IFIT3: variants seen among roughly 807,000 people sequenced by gnomAD.
IFIT3 encodes interferon induced protein with tetratricopeptide repeats 3.
Under a neutral mutation model 2.4 loss-of-function variants are expected in IFIT3, and 2 were observed. The observed-to-expected ratio is 0.82, with a 90% CI of 0.34 to 2.60. IFIT3 has a LOEUF of 2.60. IFIT3 is among the 30% of genes most tolerant of loss of function. The probability of loss-of-function intolerance (pLI) is 0.11; values close to 1 mark genes in which losing one functional copy is unlikely to be tolerated. For missense variants in IFIT3, 481 were observed against 562.4 expected (o/e 0.86, Z 1.46); for synonymous variants, 203 against 212.1 (o/e 0.96, Z 0.37).
At chr10:89,338,595 T>C (rs1843785831) in intron 1 of IFIT3, 66 bp from the exon 2 acceptor site, 2 of 1,443,194 alleles carry the variant, frequency 1.4e-6, no homozygotes, top group East Asian at 4.6e-5. Flanking sequence ...ACATATAAAA[T>C]TAATGATCAC....
chr10:89,338,330 T>G (rs1288012004), intron 1 of IFIT3: 1 of 213,014 alleles, frequency 4.7e-6, no homozygotes, highest in African/African-American at 2.3e-5. Flanking sequence ...CTAGTCCAAG[T>G]CTAGTCTAAG....
intron 1 of IFIT3, among the ~76,000 whole-genome samples, chr10:89,330,325 A>T (rs1447577986): frequency 6.6e-6 from 1 of 152,240 alleles, no homozygotes; most frequent in African/African-American, 2.4e-5. Flanking sequence ...CTTGCCCAAG[A>T]CATCAGATAG....
intron 1 of IFIT3, chr10:89,332,608 A>T: frequency 6.2e-7 from 1 of 1,614,126 alleles, no homozygotes; most frequent in South Asian, 1.1e-5. Context: ...TCAGAACTGC[A>T]GGGAAACAGC....
chr10:89,336,510 T>C (rs1488513898), intron 1 of IFIT3, among the ~76,000 whole-genome samples: 2 of 152,192 alleles, frequency 1.3e-5, no homozygotes, highest in East Asian at 1.9e-4. Context: ...GGAAGTATAA[T>C]AGATCAGTAC....
rs1023400061 is a variant in IFIT3 at position 89,328,034 on chromosome 10, T to A, written c.-40T>A. ...ACTTCTGAAGAACAAATCAGCCTGG[T>A]CACCAGCTTTTCGGAACAGCAGAGA... On this transcript the variant is annotated 5_prime_UTR_variant, in exon 1 of 2. Transcript: ENST00000371818. 4.3e-6 allele frequency: 7 copies of A among 1,613,306 alleles called. No homozygotes were observed. Among genetic ancestry groups the A allele is most frequent in the Non-Finnish European group, 5.9e-6 (7 of 1,179,334 alleles).
In IFIT3 at chr10:89,339,056, A is replaced by G; in HGVS notation, c.401A>G (p.Glu134Gly). ...AAATTTTCAAATCCATACAGTATTG[A>G]GTATTCTGAACTTGACTGTGAGGAA... ...CKKFSNPYSI[E>G]YSELDCEEGW... The change falls in exon 2 of 2, where the codon GAG becomes GGG. Residue 134 changes from glutamate (E) to glycine (G), a missense_variant. Coordinates refer to ENST00000371818, the MANE Select transcript of IFIT3 (RefSeq NM_001549.6). 1 of 1,614,146 alleles carries G rather than the reference A, an allele frequency of 6.2e-7. No homozygotes were observed. The highest frequency in any genetic ancestry group is 1.1e-5 in the South Asian group (1 of 91,082).
intron 1 of IFIT3, among the ~76,000 whole-genome samples, chr10:89,337,237 C>T (rs1274732594): frequency 2.0e-5 from 3 of 152,056 alleles, no homozygotes; most frequent in South Asian, 2.1e-4. Flanking sequence ...AAGCACCTGG[C>T]GGGCAGAGAA....
Position 89,328,029 on chromosome 10 carries a change from C to G in IFIT3, c.-45C>G. ...GGAAGACTTCTGAAGAACAAATCAGCCTGGTCACCAGCTTTTCGGAACAGC... is the reference window on the plus strand; with the variant it reads ...GGAAGACTTCTGAAGAACAAATCAGGCTGGTCACCAGCTTTTCGGAACAGC... On this transcript the variant is annotated 5_prime_UTR_variant, in exon 1 of 2. Coordinates refer to ENST00000371818, the MANE Select transcript of IFIT3 (RefSeq NM_001549.6). The G allele has an allele frequency of 2.5e-6, 4 of 1,612,494 alleles. No homozygotes were observed. The highest frequency in any genetic ancestry group is 3.4e-6 in the Non-Finnish European group (4 of 1,178,594).
chr10:89,330,284 T>TGACCAAAATGGGGCTTA (rs1304865699), intron 1 of IFIT3, among the ~76,000 whole-genome samples: 1 of 152,218 alleles, frequency 6.6e-6, no homozygotes, highest in African/African-American at 2.4e-5. Context: ...ATTTTCTAGA[T>TGACCAAAATGGGGCTTA]GACCAAAATG....
chr10:89,339,057 G>A lies in IFIT3; in HGVS notation c.402G>A (p.Glu134=), dbSNP rs1473613697. 6.2e-7 allele frequency: 1 copy of A among 1,614,116 alleles called. No homozygotes were observed. Among genetic ancestry groups the A allele is most frequent in the Admixed American group, 1.7e-5 (1 of 60,024 alleles). The change falls in exon 2 of 2, where the codon GAG becomes GAA. Residue 134 remains glutamate (E), a synonymous_variant. Transcript: ENST00000371818. ...CKKFSNPYSI[E]YSELDCEEGW... ...AATTTTCAAATCCATACAGTATTGAGTATTCTGAACTTGACTGTGAGGAAG... is the reference window on the plus strand; with the variant it reads ...AATTTTCAAATCCATACAGTATTGAATATTCTGAACTTGACTGTGAGGAAG...
At chr10:89,333,924 C>A (rs747144438) in intron 1 of IFIT3, among the ~76,000 whole-genome samples, 3 of 152,186 alleles carry the variant, frequency 2.0e-5, no homozygotes, top group Admixed American at 6.5e-5. Flanking sequence ...TTGAGAAGTC[C>A]GGCTCTGGAG....
chr10:89,334,004 A>T (rs1309647456), intron 1 of IFIT3, among the ~76,000 whole-genome samples: 1 of 152,256 alleles, frequency 6.6e-6, no homozygotes, highest in Non-Finnish European at 1.5e-5. Context: ...CCAACTGAGC[A>T]CAGGTCTGCC....
chr10:89,327,999 A>G lies in IFIT3; in HGVS notation c.-75A>G. The G allele has an allele frequency of 1.3e-6, 2 of 1,531,216 alleles. No homozygotes were observed. Among genetic ancestry groups the G allele is most frequent in the Admixed American group, 1.7e-5 (1 of 59,816 alleles). 94.9% of individuals were successfully genotyped at this position (1,531,216 alleles called of 1,614,324 possible). On this transcript the variant is annotated 5_prime_UTR_variant, in exon 1 of 2. Transcript: ENST00000371818. ...AGTTCCTTCAGTATTTACTTGAGGC[A>G]GACAGGAAGACTTCTGAAGAACAAA...
At chr10:89,334,769 G>A (rs941886120) in intron 1 of IFIT3, among the ~76,000 whole-genome samples, 4 of 151,884 alleles carry the variant, frequency 2.6e-5, no homozygotes, top group African/African-American at 9.7e-5. Context: ...GGGATTACAG[G>A]TGTGAGCCAC....
chr10:89,331,291 C>T (rs1843647145), intron 1 of IFIT3, among the ~76,000 whole-genome samples: 1 of 152,098 alleles, frequency 6.6e-6, no homozygotes, highest in African/African-American at 2.4e-5. Flanking sequence ...TCCCACCCAG[C>T]CTCCCAAGTA....
Position 89,338,900 on chromosome 10 carries a change from A to C in IFIT3, c.245A>C (p.Gln82Pro). The C allele has an allele frequency of 3.7e-6, 6 of 1,614,230 alleles. No individual in the cohort carries two copies. Among genetic ancestry groups the C allele is most frequent in the Non-Finnish European group, 5.1e-6 (6 of 1,180,028 alleles). The change falls in exon 2 of 2, where the codon CAG becomes CCG. Residue 82 changes from glutamine (Q) to proline (P), a missense_variant. Coordinates refer to ENST00000371818, the MANE Select transcript of IFIT3 (RefSeq NM_001549.6). ...ECLRQAEELI[Q>P]QEHADQAEIR... ...TTACGGCAAGCTGAAGAGTTAATCCAGCAAGAACATGCTGACCAAGCAGAA... is the reference window on the plus strand; with the variant it reads ...TTACGGCAAGCTGAAGAGTTAATCCCGCAAGAACATGCTGACCAAGCAGAA...
chr10:89,334,685 G>A (rs1843707680), intron 1 of IFIT3, among the ~76,000 whole-genome samples: 1 of 150,770 alleles, frequency 6.6e-6, no homozygotes, highest in Non-Finnish European at 1.5e-5. Context: ...TACAGGCGGG[G>A]TTTCATCATG....
intron 1 of IFIT3, among the ~76,000 whole-genome samples, chr10:89,330,121 GA>G (rs1428446083): frequency 3.3e-5 from 5 of 152,202 alleles, no homozygotes; most frequent in Non-Finnish European, 7.3e-5. Flanking sequence ...TGGCCATCTG[GA>G]TGTGTACATG....
chr10:89,329,161 G>T (rs1049732592), intron 1 of IFIT3, among the ~76,000 whole-genome samples: 3 of 152,116 alleles, frequency 2.0e-5, no homozygotes, highest in African/African-American at 7.2e-5. Flanking sequence ...AGACCCCATC[G>T]ACCATTCAGG....
Sources: gnomAD v4.1 joint callset for allele counts (sites outside exome capture counted in the v4.1 genomes callset) on GRCh38, gnomAD v4.1.1 for gene constraint, MANE v1.5 for transcripts, NCBI Gene and HGNC (gene_info 2026-07-23, HGNC 2026-07-21) for gene names.